ANO3: variants seen among roughly 807,000 people sequenced by gnomAD.
ANO3 encodes the protein anoctamin-3.
In ANO3, 99 loss-of-function variants were observed where a neutral mutation model predicts 144.8. That is an observed-to-expected ratio of 0.68 (90% CI 0.58 to 0.81). The LOEUF is 0.81. ANO3 is among the 30% of genes least tolerant of loss of function. The pLI, the probability that ANO3 is intolerant of heterozygous loss-of-function variation, is 0.00. For synonymous variants in ANO3, 414 were observed against 392.6 expected (o/e 1.05, Z -0.64); for missense variants, 905 against 1,202.2 (o/e 0.75, Z 3.66).
At chr11:26,464,287 C>CTTTCTATGGTTACTAAATCTGCCTCCTGT (rs961064453) in intron 4 of ANO3, among the ~76,000 whole-genome samples, 2 of 151,746 alleles carry the variant, frequency 1.3e-5, no homozygotes. Flanking sequence ...AGGTGTTTAT[C>CTTTCTATGGTTACTAAATCTGCCTCCTGT]TTTCTATGGT....
intron 14 of ANO3, among the ~76,000 whole-genome samples, chr11:26,584,405 C>T (rs546683653): frequency 8.5e-5 from 13 of 152,200 alleles, no homozygotes; most frequent in Middle Eastern, 3.4e-3. Flanking sequence ...GTGATCCGCC[C>T]ACCTCACCCT....
intron 14 of ANO3, among the ~76,000 whole-genome samples, chr11:26,578,542 G>A (rs1441494730): frequency 2.0e-5 from 3 of 152,114 alleles, no homozygotes; most frequent in East Asian, 3.9e-4. Context: ...GGGAAGGAGC[G>A]GGCGATCATC....
Position 26,598,475 on chromosome 11 carries a change from G to A in ANO3, c.1530+28G>A, listed in dbSNP as rs767793164. On this transcript the variant is annotated intron_variant, in intron 15 of 26. Transcript: ENST00000256737. ...AAGATGTTAGGATACAAGGAAATAG[G>A]GAAACTGGGCTATTACAGGATATGG... The A allele has an allele frequency of 2.0e-6, 3 of 1,471,562 alleles. No homozygotes were observed. The African/African-American group carries it at 4.3e-5, about 21-fold the overall frequency. The allele number at this position is 1,471,562 out of a possible 1,614,324, so 91.2% of individuals were successfully genotyped here. A position where few individuals can be genotyped will look rare whatever the true frequency, so the allele number is the denominator to read the frequency against.
intron 1 of ANO3, among the ~76,000 whole-genome samples, chr11:26,352,538 T>TA (rs111268723): frequency 0.027 from 4,127 of 152,256 alleles, 174 homozygotes; most frequent in African/African-American, 0.094. Context: ...GAATTTCAGA[T>TA]GGGGGAATTA....
At chr11:26,397,503 A>G (rs1211611489) in intron 1 of ANO3, among the ~76,000 whole-genome samples, 1 of 152,138 alleles carries the variant, frequency 6.6e-6, no homozygotes, top group Admixed American at 6.6e-5. Context: ...AGTTCTCTAT[A>G]TAAAAAGGAA....
chr11:26,263,163 CA>C (rs761485432), intron 1 of ANO3, among the ~76,000 whole-genome samples: 1 of 152,152 alleles, frequency 6.6e-6, no homozygotes, highest in Non-Finnish European at 1.5e-5. Context: ...CTTCAACTTC[CA>C]GACTCTAAAT....
chr11:26,643,870 A>G (rs1050266425), intron 23 of ANO3, among the ~76,000 whole-genome samples: 1 of 151,972 alleles, frequency 6.6e-6, no homozygotes, highest in African/African-American at 2.4e-5. Flanking sequence ...TCGCTTTCCT[A>G]CCTTCTGCTA....
intron 1 of ANO3, among the ~76,000 whole-genome samples, chr11:26,192,584 CTCAA>C (rs1162741907): frequency 6.6e-6 from 1 of 152,156 alleles, no homozygotes; most frequent in Non-Finnish European, 1.5e-5. Flanking sequence ...AATACAGAAT[CTCAA>C]TCATTCTCAC....
At chr11:26,222,887 TG>T (rs1454690420) in intron 1 of ANO3, among the ~76,000 whole-genome samples, 5 of 152,178 alleles carry the variant, frequency 3.3e-5, no homozygotes, top group Non-Finnish European at 7.3e-5. Context: ...CCTAGGCCTC[TG>T]GACCTGTGGT....
At chr11:26,197,803 C>G (rs564392302) in intron 1 of ANO3, among the ~76,000 whole-genome samples, 1 of 152,288 alleles carries the variant, frequency 6.6e-6, no homozygotes, top group South Asian at 2.1e-4. Context: ...TTTCTGAGCC[C>G]TGCCTTGGCC....
chr11:26,223,785 A>G (rs1296336781), intron 1 of ANO3, among the ~76,000 whole-genome samples: 1 of 151,916 alleles, frequency 6.6e-6, no homozygotes, highest in East Asian at 2.0e-4. Context: ...ATTCATGGCT[A>G]GAGCAGGAGC....
intron 14 of ANO3, among the ~76,000 whole-genome samples, chr11:26,564,728 C>CATAT (rs1850474307): frequency 5.5e-5 from 2 of 36,178 alleles, no homozygotes; most frequent in African/African-American, 1.3e-4. Context: ...CACACACACA[C>CATAT]ACACATATAT....
Position 26,656,196 on chromosome 11 carries a change from G to A in ANO3, c.2648G>A (p.Gly883Asp). Residue 883 changes from glycine to aspartate, a missense_variant, in exon 25 of 27, where the codon GGT becomes GAT. Physicochemically the swap from Gly to Asp is moderately conservative, Grantham distance 94. Transcript: ENST00000256737. ...AGTGAGCTTGGTATGGGAAAATCTG[G>A]TTATTGCAGGTACTTATAATAGTTA... ...DLSELGMGKS[G>D]YCRYRDYRGP... 2 of 1,612,720 alleles carry A rather than the reference G, an allele frequency of 1.2e-6. No individual in the cohort carries two copies. Among genetic ancestry groups the A allele is most frequent in the Non-Finnish European group, 1.7e-6 (2 of 1,178,898 alleles).
At chr11:26,276,212 G>C (rs529999296) in intron 1 of ANO3, among the ~76,000 whole-genome samples, 1 of 152,114 alleles carries the variant, frequency 6.6e-6, no homozygotes. Context: ...ATACTTATTT[G>C]TCCTCAAATA....
In ANO3 at chr11:26,634,271, C is replaced by T. The variant is rs1590658775; in HGVS notation, c.1941C>T (p.Val647=). 1 of 1,613,708 alleles carries T rather than the reference C, an allele frequency of 6.2e-7. No homozygotes were observed. The highest frequency in any genetic ancestry group is 1.3e-5 in the African/African-American group (1 of 74,964). ...FALKMFLFQF[V]NLNSSIFYIA... is the part of the protein sequence containing the mutation. The stretch of plus-strand genomic sequence containing the variant: ...TGAAGATGTTCCTCTTCCAGTTTGT[C>T]AATTTAAACAGTTCCATCTTCTATA... Residue 647 remains valine, a synonymous_variant, in exon 19 of 27, where the codon GTC becomes GTT. Coordinates refer to ENST00000256737, the MANE Select transcript of ANO3 (RefSeq NM_031418.4).
chr11:26,201,676 C>G (rs1193248462), intron 1 of ANO3, among the ~76,000 whole-genome samples: 1 of 151,524 alleles, frequency 6.6e-6, no homozygotes, highest in East Asian at 1.9e-4. Flanking sequence ...ATATAGAAAC[C>G]CTGAATACTA....
chr11:26,271,709 C>G (rs1341486917), intron 1 of ANO3, among the ~76,000 whole-genome samples: 1 of 133,106 alleles, frequency 7.5e-6, no homozygotes, highest in African/African-American at 2.5e-5. Context: ...TATAATGCTG[C>G]TTTAAGACTT....
intron 24 of ANO3, among the ~76,000 whole-genome samples, chr11:26,655,570 TATTA>T (rs1473530884): frequency 6.6e-6 from 1 of 152,156 alleles, no homozygotes; most frequent in Non-Finnish European, 1.5e-5. Flanking sequence ...ACAATCTACT[TATTA>T]ATTATGTTTA....
chr11:26,441,524 C>G (rs1273964847), intron 1 of ANO3, among the ~76,000 whole-genome samples: 1 of 151,836 alleles, frequency 6.6e-6, no homozygotes, highest in African/African-American at 2.4e-5. Context: ...AAAGAAGGGC[C>G]CCATTTAGTA....
Sources: gnomAD v4.1 joint callset for allele counts (sites outside exome capture counted in the v4.1 genomes callset) on GRCh38, gnomAD v4.1.1 for gene constraint, MANE v1.5 for transcripts, NCBI Gene and HGNC (gene_info 2026-07-23, HGNC 2026-07-21) for gene names.